The following CLEC16A variants were observed in gnomAD, a reference collection of about 807,000 sequenced individuals.
CLEC16A encodes protein CLEC16A.
CLEC16A carries 51 observed loss-of-function variants against 109.5 expected under a neutral mutation model. The observed-to-expected ratio is 0.47, with a 90% CI of 0.37 to 0.59. The LOEUF (loss-of-function observed/expected upper bound fraction) is 0.59. Among genes scored for constraint, CLEC16A ranks in the 20% least tolerant of loss-of-function variants. The pLI, the probability that CLEC16A is intolerant of heterozygous loss-of-function variation, is 0.00. For synonymous variants in CLEC16A, 673 were observed against 564.2 expected (o/e 1.19, Z -2.73); for missense variants, 1,339 against 1,394.0 (o/e 0.96, Z 0.63).
intron 1 of CLEC16A, among the ~76,000 whole-genome samples, chr16:10,951,043 G>T (rs550345412): frequency 6.6e-6 from 1 of 152,302 alleles, no homozygotes; most frequent in Non-Finnish European, 1.5e-5. Context: ...GAAGGATATG[G>T]GGCATTATTA....
chr16:11,088,675 T>C (rs969837059), intron 19 of CLEC16A, among the ~76,000 whole-genome samples: 1 of 152,118 alleles, frequency 6.6e-6, no homozygotes, highest in African/African-American at 2.4e-5. Flanking sequence ...GAGGCAGTGC[T>C]TGGCACCCCT....
chr16:10,969,873 C>T (rs775174049), intron 4 of CLEC16A, among the ~76,000 whole-genome samples: 7 of 152,204 alleles, frequency 4.6e-5, no homozygotes, highest in Non-Finnish European at 8.8e-5. Flanking sequence ...TAAGAATATA[C>T]ATCTTGTAGG....
intron 13 of CLEC16A, among the ~76,000 whole-genome samples, chr16:11,036,561 T>C (rs1360984795): frequency 8.0e-6 from 1 of 124,574 alleles, no homozygotes; most frequent in African/African-American, 3.1e-5. Flanking sequence ...TTTTTTTTTT[T>C]TTTTTGAGAC....
At chr16:11,056,584 G>A (rs2048225118) in intron 18 of CLEC16A, 1 of 152,120 alleles carries the variant, frequency 6.6e-6, no homozygotes, top group African/African-American at 2.4e-5. Flanking sequence ...ATTTGCACGA[G>A]GTTTTATTTG....
rs1177908101 is a variant in CLEC16A, at chr16:11,174,994, T to C, written c.2807-3341T>C. ...CGCTTTTCTCCATTGGCCGTTGCGC[T>C]TGTCTGCTGGGAGCCTTTGCCTTCT... On this transcript the variant is annotated intron_variant, in intron 23 of 23. Transcript: ENST00000409790. The surrounding 1 kb of genome is among the most constrained non-coding windows in gnomAD (Gnocchi z 4.7). 6.6e-6 allele frequency among the ~76,000 whole-genome samples: 1 copy of C among 152,260 alleles called. No homozygotes were observed. Among genetic ancestry groups the C allele is most frequent in the African/African-American group, 2.4e-5 (1 of 41,470 alleles).
chr16:11,121,809 G>A (rs943724078), intron 20 of CLEC16A, among the ~76,000 whole-genome samples: 1 of 149,592 alleles, frequency 6.7e-6, no homozygotes, highest in Non-Finnish European at 1.5e-5. Context: ...GAACCCAGGA[G>A]GCAGAGGATG....
intron 22 of CLEC16A, among the ~76,000 whole-genome samples, chr16:11,131,806 A>T (rs764768517): frequency 1.3e-5 from 2 of 152,032 alleles, no homozygotes; most frequent in Non-Finnish European, 2.9e-5. Flanking sequence ...CTCTTCTGGG[A>T]TCAGCTCCCA....
rs200941592 is a variant in CLEC16A, at chr16:11,174,754, C to T, written c.2807-3581C>T. On this transcript the variant is annotated intron_variant, in intron 23 of 23. Coordinates refer to ENST00000409790, the MANE Select transcript of CLEC16A (RefSeq NM_015226.3). This position sits in a 1 kb window ranked among gnomAD's most constrained non-coding sequence, Gnocchi z 4.7. ...TTTCCTTTCTTCCCCTAGTCTTGAT[C>T]TAAGATAAGTGGCAAATTCAGTCCT... Among the ~76,000 whole-genome samples, 124 of 152,356 alleles carry T rather than the reference C, an allele frequency of 8.1e-4. 1 individual carries two copies. In the East Asian group the frequency reaches 0.019, roughly 24 times the overall value.
At chr16:11,177,805 C>CA (rs1423488137) in intron 23 of CLEC16A, among the ~76,000 whole-genome samples, 1 of 150,858 alleles carries the variant, frequency 6.6e-6, no homozygotes, top group African/African-American at 2.4e-5. Context: ...GGAGACAGGC[C>CA]AAGGTTTTGT....
intron 8 of CLEC16A, 144 bp downstream of exon 8, chr16:10,977,543 T>C: frequency 1.2e-6 from 1 of 831,364 alleles, no homozygotes; most frequent in South Asian, 1.8e-5. Context: ...AGACGGAGTT[T>C]TGCTCTTTTA....
At chr16:11,058,113 C>G (rs1350956111) in intron 18 of CLEC16A, among the ~76,000 whole-genome samples, 1 of 152,242 alleles carries the variant, frequency 6.6e-6, no homozygotes, top group African/African-American at 2.4e-5. Flanking sequence ...CCCCCCTACC[C>G]CCATGGGAGC....
intron 1 of CLEC16A, among the ~76,000 whole-genome samples, chr16:10,946,566 C>T (rs1368919094): frequency 6.6e-6 from 1 of 151,980 alleles, no homozygotes; most frequent in African/African-American, 2.4e-5. Flanking sequence ...TGAAGGATTT[C>T]AGGAATTTAT....
At chr16:11,042,054 T>G in intron 14 of CLEC16A, 200 bp from the exon 15 acceptor site, 1 of 563,660 alleles carries the variant, frequency 1.8e-6, no homozygotes, top group South Asian at 2.2e-5. Context: ...ATAGGTAGTT[T>G]TGATGGAGAA....
intron 19 of CLEC16A, among the ~76,000 whole-genome samples, chr16:11,104,199 C>G (rs1294933148): frequency 1.3e-5 from 2 of 152,142 alleles, no homozygotes; most frequent in Non-Finnish European, 2.9e-5. Flanking sequence ...ACCTCTGCCT[C>G]CTGGGCTCAA....
chr16:11,054,932 C>CTTT (rs151109740), intron 18 of CLEC16A, among the ~76,000 whole-genome samples: 23 of 130,622 alleles, frequency 1.8e-4, no homozygotes, highest in African/African-American at 6.4e-4. Flanking sequence ...GGTTTTCTTT[C>CTTT]TTTTTTTTTT....
At chr16:11,005,365 C>T (rs2044936653) in intron 11 of CLEC16A, among the ~76,000 whole-genome samples, 1 of 152,148 alleles carries the variant, frequency 6.6e-6, no homozygotes, top group South Asian at 2.1e-4. Flanking sequence ...CGTCCAAAAG[C>T]CTGTTTTCCA....
intron 13 of CLEC16A, among the ~76,000 whole-genome samples, chr16:11,036,676 A>G (rs1567226185): frequency 1.3e-5 from 2 of 151,746 alleles, no homozygotes; most frequent in East Asian, 3.9e-4. Context: ...GAGCCTCTCA[A>G]GTAGCTGGTA....
At chr16:11,082,526 C>G (rs2049781561) in intron 19 of CLEC16A, among the ~76,000 whole-genome samples, 1 of 152,214 alleles carries the variant, frequency 6.6e-6, no homozygotes, top group Non-Finnish European at 1.5e-5. Flanking sequence ...GATGAGGCTT[C>G]TATCCCAGTG....
chr16:11,057,869 C>T (rs1415224463), intron 18 of CLEC16A, among the ~76,000 whole-genome samples: 2 of 152,126 alleles, frequency 1.3e-5, no homozygotes, highest in Admixed American at 6.5e-5. Context: ...TGTCATTGCT[C>T]AGCTTTGGTT....
Sources: allele counts gnomAD v4.1 joint callset (sites outside exome capture counted in the v4.1 genomes callset), GRCh38; gene constraint gnomAD v4.1.1; non-coding constraint Gnocchi (gnomAD v3.1); transcripts MANE v1.5; gene names NCBI Gene and HGNC (gene_info 2026-07-23, HGNC 2026-07-21).